The following SDCCAG8 variants were observed in gnomAD, a reference collection of about 807,000 sequenced individuals.
SDCCAG8 encodes serologically defined colon cancer antigen 8.
SDCCAG8 carries 74 observed loss-of-function variants against 101.8 expected under a neutral mutation model. That is an observed-to-expected ratio of 0.73 (90% CI 0.60 to 0.88). SDCCAG8 has a LOEUF of 0.88. Among genes scored for constraint, SDCCAG8 ranks in the 40% least tolerant of loss-of-function variants. The pLI is 0.00. For missense variants in SDCCAG8, 787 were observed against 822.6 expected (o/e 0.96, Z 0.53); for synonymous variants, 281 against 292.9 (o/e 0.96, Z 0.41).
intron 1 of SDCCAG8, chr1:243,269,180 A>G (rs1488349544): frequency 6.6e-6 from 1 of 152,274 alleles, no homozygotes; most frequent in Non-Finnish European, 1.5e-5. Flanking sequence ...CCTTTTAAAG[A>G]TGAGGCTTGG....
intron 13 of SDCCAG8, among the ~76,000 whole-genome samples, chr1:243,390,367 A>G (rs1464197269): frequency 6.6e-6 from 1 of 152,198 alleles, no homozygotes; most frequent in East Asian, 1.9e-4. Context: ...TCCCCCACCC[A>G]GTATCAGAGA....
At chr1:243,421,285 A>T (rs571606227) in intron 15 of SDCCAG8, among the ~76,000 whole-genome samples, 2 of 152,356 alleles carry the variant, frequency 1.3e-5, no homozygotes, top group Middle Eastern at 3.4e-3. Context: ...TTAAAACAAG[A>T]TTTTAAACTC....
intron 3 of SDCCAG8, among the ~76,000 whole-genome samples, chr1:243,273,990 C>A (rs1319412413): frequency 6.6e-6 from 1 of 152,174 alleles, no homozygotes; most frequent in Non-Finnish European, 1.5e-5. Flanking sequence ...TGTATTAGTC[C>A]ATTCTCGTGT....
chr1:243,265,592 C>T (rs2067518007), intron 1 of SDCCAG8, among the ~76,000 whole-genome samples: 1 of 152,224 alleles, frequency 6.6e-6, no homozygotes, highest in African/African-American at 2.4e-5. Flanking sequence ...GTGGGTGGAT[C>T]ACCTGAGGTT....
At chr1:243,339,158 T>C (rs1370930413) in intron 10 of SDCCAG8, among the ~76,000 whole-genome samples, 1 of 149,240 alleles carries the variant, frequency 6.7e-6, no homozygotes, top group Non-Finnish European at 1.5e-5. Context: ...GAATGATGGG[T>C]GGCAGAGGGA....
chr1:243,375,098 T>G (rs146329487), intron 12 of SDCCAG8, among the ~76,000 whole-genome samples: 1 of 152,278 alleles, frequency 6.6e-6, no homozygotes, highest in African/African-American at 2.4e-5. Flanking sequence ...ACTAATGCTT[T>G]AACCAAAATC....
Position 243,367,746 on chromosome 1 carries a change from A to T in SDCCAG8, c.1474-10975A>T, listed in dbSNP as rs117714169. 8.2e-3 allele frequency among the ~76,000 whole-genome samples: 1,217 copies of T among 149,170 alleles called. 42 individuals carry two copies. The East Asian group carries it at 0.12, about 15-fold the overall frequency. On this transcript the variant is annotated intron_variant, in intron 12 of 17. Coordinates refer to ENST00000366541, the MANE Select transcript of SDCCAG8 (RefSeq NM_006642.5). Reference sequence around the variant, plus strand: ...TATTTAATATATGCATTCATGTATAATATTAATATAATATATATGTATATC... The same window carrying T: ...TATTTAATATATGCATTCATGTATATTATTAATATAATATATATGTATATC...
At position 243,406,918 on chromosome 1, in the gene SDCCAG8, AT is replaced by A. The variant is rs1002918231; in HGVS notation, c.1617-8776del. Among the ~76,000 whole-genome samples the A allele has an allele frequency of 7.2e-5, 11 of 151,908 alleles. No homozygotes were observed. In the South Asian group the frequency reaches 1.2e-3, roughly 17 times the overall value. On this transcript the variant is annotated intron_variant, in intron 13 of 17. Transcript: ENST00000366541. ...TTACTACTCATATTTTAAGCTTCTG[AT>A]TTTTTTTAAGCTTCCTGAAATCCTT...
At chr1:243,460,860 C>T (rs568714457) in intron 16 of SDCCAG8, among the ~76,000 whole-genome samples, 2 of 152,318 alleles carry the variant, frequency 1.3e-5, no homozygotes, top group Admixed American at 6.5e-5. Flanking sequence ...GCCTCTTAGC[C>T]TGTGCCTCCC....
At chr1:243,490,137 C>T (rs884808) in intron 17 of SDCCAG8, among the ~76,000 whole-genome samples, 41,157 of 152,154 alleles carry the variant, frequency 0.27, 5,952 homozygotes, top group African/African-American at 0.37. Context: ...TCATTCTCCT[C>T]ACAAAATGAC....
rs183636753 is a variant in SDCCAG8 at position 243,406,952 on chromosome 1, G to A, written c.1617-8750G>A. Among the ~76,000 whole-genome samples, 53 of 151,930 alleles carry A rather than the reference G, an allele frequency of 3.5e-4. 1 individual carries two copies. The highest frequency in any genetic ancestry group is 3.5e-3 in the Admixed American group (53 of 15,262). On this transcript the variant is annotated intron_variant, in intron 13 of 17. Transcript: ENST00000366541. ...AAGCTTCCTGAAATCCTTCCTCCCT[G>A]TCCCCAGCTACTCCCCAATTCCTAT... is the stretch of plus-strand genomic sequence containing the variant.
chr1:243,267,951 A>G, intron 1 of SDCCAG8: 1 of 788,590 alleles, frequency 1.3e-6, no homozygotes, highest in Admixed American at 1.7e-5. Context: ...TTATATTGGC[A>G]AAATAATCAG....
intron 1 of SDCCAG8, among the ~76,000 whole-genome samples, chr1:243,266,738 T>C (rs1225911167): frequency 1.0e-5 from 1 of 98,002 alleles, no homozygotes; most frequent in Non-Finnish European, 2.2e-5. Flanking sequence ...TATTTTTCTG[T>C]ACTAAAAATA....
At chr1:243,436,470 T>G (rs1051041567) in intron 16 of SDCCAG8, among the ~76,000 whole-genome samples, 1 of 152,222 alleles carries the variant, frequency 6.6e-6, no homozygotes, top group African/African-American at 2.4e-5. Flanking sequence ...TCTAGTTGTT[T>G]TAGCACTATT....
intron 13 of SDCCAG8, among the ~76,000 whole-genome samples, chr1:243,402,126 C>G (rs2079437500): frequency 6.6e-6 from 1 of 152,078 alleles, no homozygotes; most frequent in African/African-American, 2.4e-5. Context: ...CAAATAACCA[C>G]ATTTTAAAAA....
intron 16 of SDCCAG8, among the ~76,000 whole-genome samples, chr1:243,481,901 C>G (rs12751210): frequency 0.49 from 74,191 of 152,074 alleles, 20,169 homozygotes; most frequent in Middle Eastern, 0.63. Context: ...AAAACATACA[C>G]GCATAAGGAT....
chr1:243,307,632 G>C (rs1285419327), intron 7 of SDCCAG8: 5 of 985,112 alleles, frequency 5.1e-6, no homozygotes, highest in South Asian at 4.7e-5. Flanking sequence ...TAAGGAAAAT[G>C]ATTTGGGATT....
intron 13 of SDCCAG8, among the ~76,000 whole-genome samples, chr1:243,415,085 A>G (rs2080475473): frequency 6.6e-6 from 1 of 152,230 alleles, no homozygotes; most frequent in Admixed American, 6.5e-5. Flanking sequence ...AATTTCTTTC[A>G]ATGTGACCCA....
intron 13 of SDCCAG8, among the ~76,000 whole-genome samples, chr1:243,384,041 ATCC>A (rs1259157956): frequency 2.0e-5 from 3 of 152,272 alleles, no homozygotes; most frequent in African/African-American, 4.8e-5. Flanking sequence ...CTCCCCTTGA[ATCC>A]TTCTTCCCAC....
Sources: gnomAD v4.1 joint callset for allele counts (sites outside exome capture counted in the v4.1 genomes callset) on GRCh38, gnomAD v4.1.1 for gene constraint, MANE v1.5 for transcripts, NCBI Gene and HGNC (gene_info 2026-07-23, HGNC 2026-07-21) for gene names.